DSCAML1: variants seen among roughly 807,000 people sequenced by gnomAD.
DSCAML1 encodes the protein cell adhesion molecule DSCAML1.
In DSCAML1, 38 loss-of-function variants were observed where a neutral mutation model predicts 200.5. The observed-to-expected ratio is 0.19, with a 90% CI of 0.15 to 0.25. The LOEUF (loss-of-function observed/expected upper bound fraction) is 0.25. Among genes scored for constraint, DSCAML1 ranks in the 10% least tolerant of loss-of-function variants. The probability of loss-of-function intolerance (pLI) is 1.00; values close to 1 mark genes in which losing one functional copy is unlikely to be tolerated. For missense variants in DSCAML1, 2,223 were observed against 2,858.8 expected, an observed-to-expected ratio of 0.78 and a Z score of 5.07; for synonymous variants, 1,215 against 1,165.0, an observed-to-expected ratio of 1.04 and a Z score of -0.87.
chr11:117,451,103 G>A (rs1490273080), intron 19 of DSCAML1, among the ~76,000 whole-genome samples: 3 of 152,198 alleles, frequency 2.0e-5, no homozygotes, highest in African/African-American at 7.2e-5. Flanking sequence ...TGGCCTGTGA[G>A]TTTCTTGAAG....
chr11:117,609,334 G>T (rs754424651), intron 3 of DSCAML1, among the ~76,000 whole-genome samples: 2 of 147,462 alleles, frequency 1.4e-5, no homozygotes, highest in East Asian at 2.0e-4. Context: ...TTGAGACAGG[G>T]TCTCACTTTG....
At chr11:117,603,127 C>T (rs1379238101) in intron 3 of DSCAML1, among the ~76,000 whole-genome samples, 1 of 152,076 alleles carries the variant, frequency 6.6e-6, no homozygotes, top group Non-Finnish European at 1.5e-5. Context: ...ACAAAAAAAC[C>T]CAAACCAATC....
chr11:117,757,938 C>T (rs970654528), intron 3 of DSCAML1, among the ~76,000 whole-genome samples: 6 of 152,064 alleles, frequency 3.9e-5, no homozygotes, highest in African/African-American at 9.7e-5. Flanking sequence ...TGCAGTGAGC[C>T]GAGATGGCGC....
intron 3 of DSCAML1, among the ~76,000 whole-genome samples, chr11:117,750,582 C>T (rs1356963055): frequency 6.6e-6 from 1 of 152,178 alleles, no homozygotes; most frequent in African/African-American, 2.4e-5. Flanking sequence ...CTGCTGCACT[C>T]ATGCCAGCCT....
chr11:117,791,147 T>G (rs2055458492), intron 1 of DSCAML1, among the ~76,000 whole-genome samples: 1 of 152,152 alleles, frequency 6.6e-6, no homozygotes, highest in African/African-American at 2.4e-5. Context: ...GCACACAGGC[T>G]GTGGAGCCCA....
At chr11:117,646,934 G>A (rs182573422) in intron 3 of DSCAML1, among the ~76,000 whole-genome samples, 50 of 152,184 alleles carry the variant, frequency 3.3e-4, no homozygotes, top group Non-Finnish European at 5.6e-4. Context: ...TCAGGTCCCA[G>A]ACTGATCGTG....
At chr11:117,783,519 G>A (rs1021720779) in intron 1 of DSCAML1, among the ~76,000 whole-genome samples, 10 of 152,140 alleles carry the variant, frequency 6.6e-5, no homozygotes, top group Admixed American at 1.3e-4. Context: ...GCCAGGCTCT[G>A]TGCCAGATCC....
At chr11:117,602,183 T>A (rs2051478722) in intron 3 of DSCAML1, among the ~76,000 whole-genome samples, 1 of 152,278 alleles carries the variant, frequency 6.6e-6, no homozygotes, top group South Asian at 2.1e-4. Flanking sequence ...CAAGTAGGTT[T>A]GAGCACCTGC....
intron 2 of DSCAML1, among the ~76,000 whole-genome samples, chr11:117,779,095 T>C (rs1476236795): frequency 6.6e-6 from 1 of 152,182 alleles, no homozygotes; most frequent in East Asian, 1.9e-4. Flanking sequence ...TGTCACCACA[T>C]GCTGGTTGGG....
intron 5 of DSCAML1, among the ~76,000 whole-genome samples, chr11:117,521,752 C>T (rs2049890861): frequency 7.0e-6 from 1 of 143,372 alleles, no homozygotes; most frequent in Non-Finnish European, 1.5e-5. Flanking sequence ...CCGCCACCCA[C>T]CTCAGAAACC....
At chr11:117,602,504 G>A (rs891074028) in intron 3 of DSCAML1, among the ~76,000 whole-genome samples, 1 of 152,124 alleles carries the variant, frequency 6.6e-6, no homozygotes. Flanking sequence ...GGGACCACAG[G>A]CATGCACCAC....
intron 1 of DSCAML1, among the ~76,000 whole-genome samples, chr11:117,796,688 G>T (rs969519172): frequency 1.3e-5 from 2 of 152,214 alleles, no homozygotes; most frequent in African/African-American, 4.8e-5. Context: ...GGCACTCCGG[G>T]GTCCCAGTGC....
intron 1 of DSCAML1, among the ~76,000 whole-genome samples, chr11:117,795,930 C>A (rs1171062569): frequency 1.3e-5 from 2 of 152,284 alleles, no homozygotes; most frequent in East Asian, 3.9e-4. Context: ...CGCCCCGGGG[C>A]GAGAAGGAGA....
chr11:117,524,112 A>G (rs1196298999), intron 5 of DSCAML1, among the ~76,000 whole-genome samples: 1 of 152,216 alleles, frequency 6.6e-6, no homozygotes, highest in Non-Finnish European at 1.5e-5. Flanking sequence ...GCATTCGCCC[A>G]TCTGCTTCTA....
chr11:117,787,248 G>A (rs561518063), intron 1 of DSCAML1, among the ~76,000 whole-genome samples: 2 of 152,192 alleles, frequency 1.3e-5, no homozygotes, highest in Non-Finnish European at 2.9e-5. Context: ...ATGGTTGGAC[G>A]AGTTAATATA....
intron 4 of DSCAML1, among the ~76,000 whole-genome samples, chr11:117,525,883 C>A (rs534928805): frequency 3.4e-4 from 52 of 152,308 alleles, no homozygotes; most frequent in African/African-American, 1.2e-3. Context: ...TCTGTTCCTG[C>A]TCTGTCTTCT....
chr11:117,746,553 G>A (rs1464648917), intron 3 of DSCAML1, among the ~76,000 whole-genome samples: 2 of 152,172 alleles, frequency 1.3e-5, no homozygotes, highest in Non-Finnish European at 2.9e-5. Flanking sequence ...TCAGATCCAA[G>A]CCTCCCTCCG....
intron 3 of DSCAML1, among the ~76,000 whole-genome samples, chr11:117,534,664 C>T (rs1171798807): frequency 1.3e-5 from 2 of 152,176 alleles, no homozygotes; most frequent in Non-Finnish European, 2.9e-5. Context: ...AGACTGAGTG[C>T]AGTGGTGTGA....
chr11:117,623,498 G>A (rs2051981910), intron 3 of DSCAML1, among the ~76,000 whole-genome samples: 1 of 152,140 alleles, frequency 6.6e-6, no homozygotes, highest in South Asian at 2.1e-4. Flanking sequence ...ATACAGGTGT[G>A]AGCCACTGCT....
Sources: allele counts gnomAD v4.1 joint callset (sites outside exome capture counted in the v4.1 genomes callset), GRCh38; gene constraint gnomAD v4.1.1; transcripts MANE v1.5; gene names NCBI Gene and HGNC (gene_info 2026-07-23, HGNC 2026-07-21).